The following STON1 variants were observed in gnomAD, a reference collection of about 807,000 sequenced individuals.
The protein encoded by STON1 is stonin-1.
Under a neutral mutation model 60.9 loss-of-function variants are expected in STON1, and 79 were observed. That is an observed-to-expected ratio of 1.30 (90% CI 1.08 to 1.56). STON1 has a LOEUF of 1.56. STON1 is among the 40% of genes most tolerant of loss of function. The pLI is 0.00. For synonymous variants in STON1, 363 were observed against 306.9 expected (o/e 1.18, Z -1.91); for missense variants, 1,166 against 858.9 (o/e 1.36, Z -4.47).
At chr2:48,560,104 T>C (rs1672549559) in intron 1 of STON1, among the ~76,000 whole-genome samples, 1 of 152,220 alleles carries the variant, frequency 6.6e-6, no homozygotes, top group Non-Finnish European at 1.5e-5. Flanking sequence ...CCAATTTTCA[T>C]AGCAAACTGA....
intron 1 of STON1, among the ~76,000 whole-genome samples, chr2:48,555,345 G>A (rs1179549127): frequency 1.6e-4 from 8 of 49,076 alleles, no homozygotes; most frequent in Non-Finnish European, 1.8e-4. Context: ...CTCCCTCCCG[G>A]ATGGGGCGGC....
intron 1 of STON1, among the ~76,000 whole-genome samples, chr2:48,566,266 C>T (rs1672936594): frequency 6.6e-6 from 1 of 152,194 alleles, no homozygotes. Flanking sequence ...ACCTCCACCT[C>T]CCAGGTTCAA....
Position 48,545,769 on chromosome 2 carries a change from T to A in STON1, c.-48+15553T>A, listed in dbSNP as rs529224741. Reference sequence around the variant, plus strand: ...GCACTGACCTCACTTTGTTTAGGACTTCTCTACCTCCACCCCTTTGTGATG... The same window carrying A: ...GCACTGACCTCACTTTGTTTAGGACATCTCTACCTCCACCCCTTTGTGATG... On this transcript the variant is annotated intron_variant, in intron 1 of 3. Transcript: ENST00000404752. Among the ~76,000 whole-genome samples the A allele has an allele frequency of 3.3e-4, 51 of 152,352 alleles. 1 individual carries two copies. The South Asian group carries it at 0.011, about 32-fold the overall frequency.
intron 1 of STON1, among the ~76,000 whole-genome samples, chr2:48,552,068 G>C (rs1572937977): frequency 6.6e-6 from 1 of 152,222 alleles, no homozygotes; most frequent in African/African-American, 2.4e-5. Context: ...GTGATCTGTT[G>C]CTGCAGAGCA....
At chr2:48,572,783 A>G (rs1673283793) in intron 1 of STON1, among the ~76,000 whole-genome samples, 1 of 152,118 alleles carries the variant, frequency 6.6e-6, no homozygotes, top group African/African-American at 2.4e-5. Flanking sequence ...TGGCCTTCTG[A>G]AGAGGGTGAG....
At chr2:48,579,482 T>C (rs931917153) in intron 1 of STON1, among the ~76,000 whole-genome samples, 1 of 152,218 alleles carries the variant, frequency 6.6e-6, no homozygotes, top group Admixed American at 6.5e-5. Flanking sequence ...TTTGATCCAT[T>C]GGTTGTTCAA....
At chr2:48,591,336 T>C (rs1306771789) in intron 2 of STON1, among the ~76,000 whole-genome samples, 1 of 151,034 alleles carries the variant, frequency 6.6e-6, no homozygotes, top group Non-Finnish European at 1.5e-5. Flanking sequence ...ATATTTCTAA[T>C]TGAAAACATT....
At chr2:48,545,422 C>T (rs578075804) in intron 1 of STON1, among the ~76,000 whole-genome samples, 8 of 152,304 alleles carry the variant, frequency 5.3e-5, no homozygotes, top group Admixed American at 3.9e-4. Flanking sequence ...CACACGGGCG[C>T]GCACAGACCC....
intron 1 of STON1, among the ~76,000 whole-genome samples, chr2:48,560,907 T>C (rs547537679): frequency 6.6e-6 from 1 of 152,104 alleles, no homozygotes; most frequent in Non-Finnish European, 1.5e-5. Flanking sequence ...AGCCCCAAAG[T>C]CTCCCCTTGT....
At chr2:48,572,226 G>T (rs998487932) in intron 1 of STON1, among the ~76,000 whole-genome samples, 1 of 152,130 alleles carries the variant, frequency 6.6e-6, no homozygotes, top group Non-Finnish European at 1.5e-5. Context: ...AGGAAGAGGA[G>T]GGCAGTGGGA....
rs772476352 is a variant in STON1, at chr2:48,595,348, T to C, written c.*46T>C. 3.9e-6 allele frequency: 6 copies of C among 1,541,104 alleles called. No individual in the cohort carries two copies. ...GACAGCCCACTTGTCAAATATGTAA[T>C]TCACCGAAACCACACCAAGTCCTGC... is the stretch of plus-strand genomic sequence containing the variant. On this transcript the variant is annotated 3_prime_UTR_variant, in exon 4 of 4. Coordinates refer to ENST00000404752, the MANE Select transcript of STON1 (RefSeq NM_006873.4).
intron 1 of STON1, among the ~76,000 whole-genome samples, chr2:48,541,225 A>T (rs1293284811): frequency 1.3e-5 from 2 of 151,568 alleles, no homozygotes; most frequent in Non-Finnish European, 2.9e-5. Flanking sequence ...GTGTTGTATG[A>T]CTATAATCCC....
At chr2:48,538,358 G>A (rs1671514940) in intron 1 of STON1, among the ~76,000 whole-genome samples, 4 of 152,000 alleles carry the variant, frequency 2.6e-5, no homozygotes, top group Admixed American at 2.6e-4. Flanking sequence ...ACTTATAAAG[G>A]GCATATGGGT....
chr2:48,538,209 G>A (rs894331566), intron 1 of STON1, among the ~76,000 whole-genome samples: 2 of 151,930 alleles, frequency 1.3e-5, no homozygotes, highest in African/African-American at 4.8e-5. Context: ...TCCCCTCCTC[G>A]GCCTCCCAAA....
intron 1 of STON1, among the ~76,000 whole-genome samples, chr2:48,566,540 C>T (rs1036518231): frequency 3.9e-5 from 6 of 152,198 alleles, no homozygotes; most frequent in African/African-American, 1.4e-4. Flanking sequence ...ACCTCAGTCT[C>T]CCAAAGTGCT....
chr2:48,580,622 C>A lies in STON1; in HGVS notation c.-12C>A, dbSNP rs763740007. The A allele has an allele frequency of 1.3e-5, 17 of 1,343,564 alleles. No individual in the cohort carries two copies. Among genetic ancestry groups the A allele is most frequent in the Non-Finnish European group, 1.6e-5 (17 of 1,040,270 alleles). 83.2% of individuals were successfully genotyped at this position (1,343,564 alleles called of 1,614,324 possible). A position where few individuals can be genotyped will look rare whatever the true frequency, so the allele number is the denominator to read the frequency against. Reference sequence around the variant, plus strand: ...TTTGATTTCTTGACAAGACCACAATCTGATCCCAAAGATGTGCTCCACAAA... The same window carrying A: ...TTTGATTTCTTGACAAGACCACAATATGATCCCAAAGATGTGCTCCACAAA... On this transcript the variant is annotated 5_prime_UTR_variant, in exon 2 of 4. The change creates a new upstream start codon in the 5' untranslated region. Coordinates refer to ENST00000404752, the MANE Select transcript of STON1 (RefSeq NM_006873.4).
Position 48,591,693 on chromosome 2 carries a change from T to C in STON1, c.1971T>C (p.Leu657=). 6.2e-7 allele frequency: 1 copy of C among 1,614,164 alleles called. No homozygotes were observed. Residue 657 remains leucine (L), a synonymous_variant, in exon 3 of 4, where the codon CTT becomes CTC. Coordinates refer to ENST00000404752, the MANE Select transcript of STON1 (RefSeq NM_006873.4). ...ATTGTCTGTCATACAAATTAGAGCT[T>C]GGATCAGACCAAGAAATTCCCTCTG... ...HPHCLSYKLE[L]GSDQEIPSDW...
In STON1 at chr2:48,580,551, T is replaced by C. The variant is rs991843397; in HGVS notation, c.-47-36T>C. On this transcript the variant is annotated intron_variant, in intron 1 of 3. Transcript: ENST00000404752. The stretch of plus-strand genomic sequence containing the variant: ...AGTAATGATTCCCCCCTTCATTTTA[T>C]ATACCTATTTTCTCTTTATTTTATT... 56 of 1,315,156 alleles carry C rather than the reference T, an allele frequency of 4.3e-5. 1 individual carries two copies. Among genetic ancestry groups the C allele is most frequent in the Non-Finnish European group, 5.5e-5 (56 of 1,024,368 alleles). The allele number at this position is 1,315,156 out of a possible 1,614,324, so 81.5% of individuals were successfully genotyped here. A position where few individuals can be genotyped will look rare whatever the true frequency, so the allele number is the denominator to read the frequency against.
intron 1 of STON1, among the ~76,000 whole-genome samples, chr2:48,568,840 A>G (rs1263046843): frequency 6.6e-6 from 1 of 152,208 alleles, no homozygotes; most frequent in Non-Finnish European, 1.5e-5. Flanking sequence ...TTGCTGGAGA[A>G]ATAGGCTCTT....
Sources: gnomAD v4.1 joint callset for allele counts (sites outside exome capture counted in the v4.1 genomes callset) on GRCh38, gnomAD v4.1.1 for gene constraint, MANE v1.5 for transcripts, NCBI Gene and HGNC (gene_info 2026-07-23, HGNC 2026-07-21) for gene names.